The following OPHN1 variants were observed in gnomAD, a reference collection of about 807,000 sequenced individuals.
The protein encoded by OPHN1 is oligophrenin-1.
A neutral mutation model predicts 60.7 loss-of-function variants in OPHN1; 11 were observed. That is an observed-to-expected ratio of 0.18 (90% CI 0.11 to 0.30). OPHN1 has a LOEUF of 0.30. Among genes scored for constraint, OPHN1 ranks in the 10% least tolerant of loss-of-function variants. The pLI, the probability that OPHN1 is intolerant of heterozygous loss-of-function variation, is 1.00. For synonymous variants in OPHN1, 226 were observed against 222.6 expected (o/e 1.02, Z -0.14); for missense variants, 449 against 611.0 (o/e 0.73, Z 2.80).
At chrX:68,278,993 C>T (rs2078005936) in intron 4 of OPHN1, among the ~76,000 whole-genome samples, 1 of 108,847 alleles carries the variant, frequency 9.2e-6, no homozygotes, top group Admixed American at 9.9e-5. Context: ...AAAAACAGAC[C>T]TTGCACATTG....
chrX:68,154,750 A>G (rs2077300605), intron 15 of OPHN1, among the ~76,000 whole-genome samples: 1 of 111,122 alleles, frequency 9.0e-6, no homozygotes, highest in Non-Finnish European at 1.9e-5. Flanking sequence ...TTTTCTGTGA[A>G]AGGTCAGAGG....
intron 5 of OPHN1, among the ~76,000 whole-genome samples, chrX:68,271,800 A>G (rs1482680656): frequency 9.0e-6 from 1 of 110,920 alleles, no homozygotes. Context: ...AGAGGGTAAT[A>G]GCTGCATGAT....
intron 3 of OPHN1, among the ~76,000 whole-genome samples, chrX:68,289,488 G>A (rs1212603386): frequency 2.7e-5 from 3 of 112,191 alleles, no homozygotes; most frequent in Non-Finnish European, 5.6e-5. Flanking sequence ...GACAAATGTG[G>A]ATCAAACAGC....
chrX:68,197,881 AATAT>A (rs1349875332), intron 11 of OPHN1, among the ~76,000 whole-genome samples: 1 of 111,247 alleles, frequency 9.0e-6, no homozygotes, highest in Non-Finnish European at 1.9e-5. Flanking sequence ...TAACTCAGTT[AATAT>A]ATATAATAAG....
intron 15 of OPHN1, among the ~76,000 whole-genome samples, chrX:68,132,513 C>T (rs1490469072): frequency 1.2e-5 from 1 of 84,237 alleles, no homozygotes; most frequent in Non-Finnish European, 2.2e-5. Context: ...ATCACATGGA[C>T]ACAGGAAGGG....
intron 5 of OPHN1, among the ~76,000 whole-genome samples, chrX:68,255,261 G>A (rs996325747): frequency 9.0e-6 from 1 of 110,737 alleles, no homozygotes. Context: ...GCGACAGTAA[G>A]AGATGAGCAA....
intron 15 of OPHN1, among the ~76,000 whole-genome samples, chrX:68,147,824 T>C (rs2077269996): frequency 9.0e-6 from 1 of 111,721 alleles, no homozygotes; most frequent in Non-Finnish European, 1.9e-5. Context: ...TTAACATCAA[T>C]TTGATTAAGC....
intron 15 of OPHN1, among the ~76,000 whole-genome samples, chrX:68,134,818 C>G (rs1394619741): frequency 9.0e-6 from 1 of 110,989 alleles, no homozygotes; most frequent in Non-Finnish European, 1.9e-5. Flanking sequence ...ACTGCTTGAG[C>G]TGTTTTGGCA....
chrX:68,236,550 T>A (rs2077753745), intron 5 of OPHN1, among the ~76,000 whole-genome samples: 1 of 111,916 alleles, frequency 8.9e-6, no homozygotes, highest in Non-Finnish European at 1.9e-5. Context: ...AGTAATCATT[T>A]TCCATTCCCC....
At chrX:68,229,156 T>G (rs978915360) in intron 6 of OPHN1, among the ~76,000 whole-genome samples, 1 of 111,154 alleles carries the variant, frequency 9.0e-6, no homozygotes, top group Non-Finnish European at 1.9e-5. Context: ...TGAACTCCCA[T>G]TCACAATGGC....
At chrX:68,239,589 C>T (rs1025015125) in intron 5 of OPHN1, among the ~76,000 whole-genome samples, 1 of 110,582 alleles carries the variant, frequency 9.0e-6, no homozygotes, top group African/African-American at 3.3e-5. Flanking sequence ...ACTTATTGCA[C>T]GTATTAAAAA....
chrX:68,107,417 G>T (rs1002043381), intron 18 of OPHN1, among the ~76,000 whole-genome samples: 6 of 111,756 alleles, frequency 5.4e-5, no homozygotes, highest in African/African-American at 2.0e-4. Flanking sequence ...AAATTGGAAA[G>T]AATTAATTTG....
rs182738774 is a variant in OPHN1, at chrX:68,269,490, C to G, written c.384+5248G>C. 4.1e-3 allele frequency among the ~76,000 whole-genome samples: 454 copies of G among 111,240 alleles called. 1 individual carries two copies. Among genetic ancestry groups the G allele is most frequent in the African/African-American group, 0.014 (429 of 30,669 alleles). ...CTGACAAAAACAAGAAATGGGGAAACGATTCCCTATTTAATAAATGGTGCT... is the reference window on the plus strand; with the variant it reads ...CTGACAAAAACAAGAAATGGGGAAAGGATTCCCTATTTAATAAATGGTGCT... On this transcript the variant is annotated intron_variant, in intron 5 of 24. Coordinates refer to ENST00000355520, the MANE Select transcript of OPHN1 (RefSeq NM_002547.3).
At chrX:68,343,513 TAA>T (rs2078365038) in intron 2 of OPHN1, among the ~76,000 whole-genome samples, 1 of 110,691 alleles carries the variant, frequency 9.0e-6, no homozygotes, top group Non-Finnish European at 1.9e-5. Flanking sequence ...ATCAAATCTA[TAA>T]AGACAGAAAA....
At chrX:68,168,342 A>T (rs762443029) in intron 15 of OPHN1, among the ~76,000 whole-genome samples, 2 of 112,320 alleles carry the variant, frequency 1.8e-5, no homozygotes, top group African/African-American at 6.5e-5. Flanking sequence ...ACTCAGGATT[A>T]AAAAACTCAC....
At chrX:68,336,920 G>T (rs938728070) in intron 2 of OPHN1, among the ~76,000 whole-genome samples, 1 of 110,304 alleles carries the variant, frequency 9.1e-6, no homozygotes, top group African/African-American at 3.3e-5. Flanking sequence ...CATTAGCTAG[G>T]CATGGTGGTA....
At chrX:68,089,600 C>T (rs1326225685) in intron 19 of OPHN1, among the ~76,000 whole-genome samples, 1 of 111,216 alleles carries the variant, frequency 9.0e-6, no homozygotes, top group African/African-American at 3.3e-5. Flanking sequence ...TTATTACAGC[C>T]CCAGCTAGAG....
In OPHN1 at chrX:68,274,789, C is replaced by T. The variant is rs765654561; in HGVS notation, c.333G>A (p.Leu111=). 36 of 1,201,685 alleles carry T rather than the reference C, an allele frequency of 3.0e-5. No individual in the cohort carries two copies. The South Asian group carries it at 4.6e-4, about 15-fold the overall frequency. ...RMMMVHNASD[L]LIKPLENFRK... ...GGAAATTTTCCAAGGGTTTAATCAG[C>T]AAATCACTAGCATTGTGTACCTAGA... The change falls in exon 5 of 25, where the codon TTG becomes TTA. Residue 111 remains leucine (L), a synonymous_variant. Transcript: ENST00000355520.
At chrX:68,295,486 G>A (rs2147622823) in intron 3 of OPHN1, among the ~76,000 whole-genome samples, 1 of 112,273 alleles carries the variant, frequency 8.9e-6, no homozygotes, top group East Asian at 2.8e-4. Flanking sequence ...TGCTCAACAA[G>A]CTCAATTAAT....
Sources: gnomAD v4.1 joint callset for allele counts (sites outside exome capture counted in the v4.1 genomes callset) on GRCh38, gnomAD v4.1.1 for gene constraint, MANE v1.5 for transcripts, NCBI Gene and HGNC (gene_info 2026-07-23, HGNC 2026-07-21) for gene names.